DAB2: variants seen among roughly 807,000 people sequenced by gnomAD.
The protein encoded by DAB2 is disabled homolog 2.
A neutral mutation model predicts 71.6 loss-of-function variants in DAB2; 28 were observed. That is an observed-to-expected ratio of 0.39 (90% CI 0.29 to 0.54). DAB2 has a LOEUF of 0.54. Ranked by LOEUF, DAB2 falls within the 20% of genes least tolerant of loss-of-function variation. The pLI is 0.68. For missense variants in DAB2, 867 were observed against 928.8 expected, an observed-to-expected ratio of 0.93 and a Z score of 0.86; for synonymous variants, 345 against 339.7, an observed-to-expected ratio of 1.02 and a Z score of -0.17.
At chr5:39,390,646 C>T (rs1406471982) in intron 4 of DAB2, 71 bp from the exon 5 acceptor site, 9 of 1,197,660 alleles carry the variant, frequency 7.5e-6, no homozygotes, top group Admixed American at 4.3e-5. Flanking sequence ...ACACCGAAGC[C>T]TCAGACACAT....
intron 3 of DAB2, among the ~76,000 whole-genome samples, chr5:39,392,709 TA>T (rs1755264745): frequency 1.3e-5 from 2 of 152,208 alleles, no homozygotes; most frequent in South Asian, 4.1e-4. Flanking sequence ...TAGTCACTGG[TA>T]AAGCTCAACT....
intron 1 of DAB2, among the ~76,000 whole-genome samples, chr5:39,394,946 C>T (rs528540222): frequency 3.3e-5 from 5 of 152,154 alleles, no homozygotes; most frequent in African/African-American, 1.2e-4. Context: ...CATATGATCC[C>T]CAGGGTTATC....
At chr5:39,419,598 A>G (rs1001309408) in intron 1 of DAB2, among the ~76,000 whole-genome samples, 2 of 152,222 alleles carry the variant, frequency 1.3e-5, no homozygotes, top group East Asian at 3.8e-4. Context: ...ACTTCTAGAC[A>G]TGGCATAAAA....
intron 1 of DAB2, among the ~76,000 whole-genome samples, chr5:39,404,322 C>T (rs943545122): frequency 1.1e-4 from 16 of 149,416 alleles, no homozygotes; most frequent in Non-Finnish European, 1.5e-5. Context: ...TGCGGCACAC[C>T]AACATGGCAC....
intron 1 of DAB2, among the ~76,000 whole-genome samples, chr5:39,420,932 G>A (rs1034384584): frequency 4.6e-5 from 7 of 152,146 alleles, no homozygotes; most frequent in Admixed American, 6.5e-5. Context: ...GCACACACTC[G>A]GAAGAATTTT....
intron 1 of DAB2, among the ~76,000 whole-genome samples, chr5:39,421,436 G>A (rs1328333815): frequency 6.6e-6 from 1 of 152,120 alleles, no homozygotes; most frequent in Non-Finnish European, 1.5e-5. Context: ...TAAGCAAGCT[G>A]AAGTACAGAG....
chr5:39,377,130 A>G lies in DAB2; in HGVS notation c.1657T>C (p.Ser553Pro). 1.2e-6 allele frequency: 2 copies of G among 1,614,176 alleles called. No individual in the cohort carries two copies. The highest frequency in any genetic ancestry group is 8.5e-7 in the Non-Finnish European group (1 of 1,180,016). Residue 553 changes from serine to proline, a missense_variant, in exon 12 of 15, where the codon TCA becomes CCA. Physicochemically the swap from Ser to Pro is moderately conservative, Grantham distance 74. Transcript: ENST00000320816. ...AAGGGTGAAGGCTGGTTCCAACCTG[A>G]AACAGCTGGACTTGTACCAAAAATG... ...PVIFGTSPAV[S>P]GWNQPSPFAA...
In DAB2 at chr5:39,376,115, TA is replaced by T; in HGVS notation, c.2138-10del. The T allele has an allele frequency of 3.1e-6, 5 of 1,609,848 alleles. No individual in the cohort carries two copies. The highest frequency in any genetic ancestry group is 4.2e-6 in the Non-Finnish European group (5 of 1,177,080). ...AGCTGGCTTTGGTGGTTCTAGAAGG[TA>T]AAAAATCCAGGCAATCAGTAGACAA... On this transcript the variant is annotated splice_polypyrimidine_tract_variant and intron_variant, in intron 12 of 14. Transcript: ENST00000320816.
intron 9 of DAB2, 86 bp from the exon 10 acceptor site, chr5:39,383,357 A>G: frequency 9.0e-7 from 1 of 1,105,626 alleles, no homozygotes; most frequent in Non-Finnish European, 1.3e-6. Flanking sequence ...GACTAGGATT[A>G]TCAGAATTTC....
chr5:39,419,367 C>A (rs1755921753), intron 1 of DAB2, among the ~76,000 whole-genome samples: 1 of 152,160 alleles, frequency 6.6e-6, no homozygotes, highest in Admixed American at 6.5e-5. Context: ...CGCCAAGGTG[C>A]AAATCATAAA....
At chr5:39,388,714 A>G in intron 8 of DAB2, 85 bp downstream of exon 8, 1 of 1,104,584 alleles carries the variant, frequency 9.1e-7, no homozygotes, top group Non-Finnish European at 1.4e-6. Context: ...GATTCAATAC[A>G]GATTTGGTAT....
At chr5:39,377,907 G>A (rs937730434) in intron 11 of DAB2, among the ~76,000 whole-genome samples, 2 of 152,190 alleles carry the variant, frequency 1.3e-5, no homozygotes, top group African/African-American at 4.8e-5. Flanking sequence ...TACATAAAGG[G>A]AAGATAAAGT....
At chr5:39,403,646 A>C (rs2112084625) in intron 1 of DAB2, among the ~76,000 whole-genome samples, 1 of 152,062 alleles carries the variant, frequency 6.6e-6, no homozygotes, top group South Asian at 2.1e-4. Flanking sequence ...TGCAGATCAA[A>C]GCATTTAAAT....
At chr5:39,385,615 C>T (rs891373614) in intron 9 of DAB2, among the ~76,000 whole-genome samples, 2 of 152,174 alleles carry the variant, frequency 1.3e-5, no homozygotes, top group African/African-American at 4.8e-5. Context: ...AGCACCTGAG[C>T]CGCACGCACT....
At chr5:39,405,578 G>C (rs1755591638) in intron 1 of DAB2, among the ~76,000 whole-genome samples, 1 of 152,202 alleles carries the variant, frequency 6.6e-6, no homozygotes, top group Admixed American at 6.5e-5. Flanking sequence ...AGCTGGGTAG[G>C]ACAATGTTGT....
Position 39,372,692 on chromosome 5 carries a change from C to T in DAB2, c.*739G>A, listed in dbSNP as rs2112013528. On this transcript the variant is annotated 3_prime_UTR_variant, in exon 15 of 15. Coordinates refer to ENST00000320816, the MANE Select transcript of DAB2 (RefSeq NM_001343.4). ...TGAAAGGGTGGTAATACTACTTGAA[C>T]CCAGGAGCAAAACTGACTGAAAAAA... 1 of 149,506 alleles carries T rather than the reference C, an allele frequency of 6.7e-6. No homozygotes were observed. Among genetic ancestry groups the T allele is most frequent in the East Asian group, 2.0e-4 (1 of 5,086 alleles). The allele number at this position is 149,506 out of a possible 1,614,324, so 9.3% of individuals were successfully genotyped here.
chr5:39,392,490 G>C, intron 3 of DAB2, 27 bp from the exon 4 acceptor site: 1 of 1,545,618 alleles, frequency 6.5e-7, no homozygotes, highest in Non-Finnish European at 8.9e-7. Flanking sequence ...AACAAGAGAA[G>C]TTGAATTTTT....
In DAB2 at chr5:39,382,902, G is replaced by T. The variant is rs764745349; in HGVS notation, c.1057C>A (p.Arg353=). The part of the protein sequence containing the change: ...FGQQFDQISN[R]TGKQEAQAGP... ...GCCTGAGCTTCCTGTTTGCCAGTCC[G>T]GTTAGAGATCTGGTCAAATTGCTGA... Residue 353 remains arginine (R), a synonymous_variant, in exon 10 of 15, where the codon CGG becomes AGG. Transcript: ENST00000320816. 2 of 1,614,108 alleles carry T rather than the reference G, an allele frequency of 1.2e-6. No individual in the cohort carries two copies. The highest frequency in any genetic ancestry group is 4.5e-5 in the East Asian group (2 of 44,882).
intron 1 of DAB2, among the ~76,000 whole-genome samples, chr5:39,413,176 C>T (rs377252454): frequency 6.6e-6 from 1 of 152,084 alleles, no homozygotes; most frequent in Non-Finnish European, 1.5e-5. Flanking sequence ...GACAGTTGCA[C>T]AGACTTGCCC....
Sources: gnomAD v4.1 joint callset for allele counts (sites outside exome capture counted in the v4.1 genomes callset) on GRCh38, gnomAD v4.1.1 for gene constraint, MANE v1.5 for transcripts, NCBI Gene and HGNC (gene_info 2026-07-23, HGNC 2026-07-21) for gene names.